MTA3: variants seen among roughly 807,000 people sequenced by gnomAD.
MTA3 encodes metastasis associated 1 family member 3.
MTA3 carries 34 observed loss-of-function variants against 83.5 expected under a neutral mutation model. The observed-to-expected ratio is 0.41, with a 90% CI of 0.31 to 0.54. The LOEUF is 0.54. Among genes scored for constraint, MTA3 ranks in the 20% least tolerant of loss-of-function variants. The probability of loss-of-function intolerance (pLI) is 0.33; values close to 1 mark genes in which losing one functional copy is unlikely to be tolerated. For missense variants in MTA3, 761 were observed against 726.4 expected, an observed-to-expected ratio of 1.05 and a Z score of -0.55; for synonymous variants, 303 against 252.7, an observed-to-expected ratio of 1.20 and a Z score of -1.89.
At chr2:42,591,540 C>A (rs1179860978) in intron 3 of MTA3, among the ~76,000 whole-genome samples, 1 of 152,122 alleles carries the variant, frequency 6.6e-6, no homozygotes, top group East Asian at 1.9e-4. Context: ...AGCTTTTTGA[C>A]TCTTGTAATA....
chr2:42,684,287 G>A (rs1262466304), intron 9 of MTA3, among the ~76,000 whole-genome samples: 1 of 152,112 alleles, frequency 6.6e-6, no homozygotes, highest in East Asian at 1.9e-4. Flanking sequence ...TTACGTATTT[G>A]ATGTGAGCCA....
At chr2:42,673,886 A>G (rs188693334) in intron 8 of MTA3, among the ~76,000 whole-genome samples, 17 of 152,376 alleles carry the variant, frequency 1.1e-4, no homozygotes, top group African/African-American at 4.1e-4. Context: ...TCTTATTCAC[A>G]ACACTTCTGG....
At chr2:42,717,341 G>C (rs1256721160) in intron 14 of MTA3, among the ~76,000 whole-genome samples, 2 of 151,840 alleles carry the variant, frequency 1.3e-5, no homozygotes, top group Non-Finnish European at 2.9e-5. Context: ...AAAACCTGTA[G>C]GACATTTTTG....
chr2:42,535,318 C>T (rs1256235267), intron 2 of MTA3, among the ~76,000 whole-genome samples: 1 of 151,936 alleles, frequency 6.6e-6, no homozygotes, highest in African/African-American at 2.4e-5. Context: ...ACCTGGGAGG[C>T]GGAGATTGCA....
chr2:42,755,360 CCT>C lies in MTA3; in HGVS notation c.*1965_*1966del. ...ATTTTCTCTGCCTTTTGGGAGAGGCCCTCTCACCCAGGCCCAAGAGATTTGGA... is the reference window on the plus strand; with the variant it reads ...ATTTTCTCTGCCTTTTGGGAGAGGCCCTCACCCAGGCCCAAGAGATTTGGA... On this transcript the variant is annotated 3_prime_UTR_variant, in exon 17 of 17. Coordinates refer to ENST00000405094, the MANE Select transcript of MTA3 (RefSeq NM_001330442.2). 10 of 985,400 alleles carry C rather than the reference CCT, an allele frequency of 1.0e-5. No homozygotes were observed. The highest frequency in any genetic ancestry group is 1.2e-5 in the Non-Finnish European group (10 of 829,954). The allele number at this position is 985,400 out of a possible 1,614,324, so 61.0% of individuals were successfully genotyped here. A position where few individuals can be genotyped will look rare whatever the true frequency, so the allele number is the denominator to read the frequency against.
At chr2:42,668,817 C>G (rs1050125931) in intron 8 of MTA3, among the ~76,000 whole-genome samples, 1 of 152,096 alleles carries the variant, frequency 6.6e-6, no homozygotes, top group African/African-American at 2.4e-5. Context: ...TTAATATAAT[C>G]TTTCATATAA....
intron 6 of MTA3, among the ~76,000 whole-genome samples, chr2:42,653,639 G>A (rs982708942): frequency 6.6e-6 from 1 of 151,948 alleles, no homozygotes; most frequent in Admixed American, 6.6e-5. Flanking sequence ...CTGTGTTTTT[G>A]GTGTTAGTTT....
intron 16 of MTA3, among the ~76,000 whole-genome samples, chr2:42,737,866 G>T (rs1668723903): frequency 6.6e-6 from 1 of 152,096 alleles, no homozygotes; most frequent in African/African-American, 2.4e-5. Flanking sequence ...GCATTTACAG[G>T]CATACCTCAG....
At chr2:42,558,212 G>A (rs1207728782) in intron 2 of MTA3, among the ~76,000 whole-genome samples, 2 of 150,264 alleles carry the variant, frequency 1.3e-5, no homozygotes, top group Admixed American at 1.3e-4. Context: ...CTCAATTCTT[G>A]GCTACACTGT....
intron 16 of MTA3, 126 bp downstream of exon 16, chr2:42,723,161 G>C (rs899034170): frequency 1.7e-6 from 2 of 1,168,208 alleles, no homozygotes; most frequent in African/African-American, 3.1e-5. Flanking sequence ...GTATGTGGTT[G>C]AGGAATAAGG....
Position 42,729,086 on chromosome 2 carries a change from GTTTTTTTTTT to G in MTA3, c.1759+6069_1759+6078del, listed in dbSNP as rs1216600680. On this transcript the variant is annotated intron_variant, in intron 16 of 16. Coordinates refer to ENST00000405094, the MANE Select transcript of MTA3 (RefSeq NM_001330442.2). ...TTCTTTTATTAGTTTCACAGTTTGA[GTTTTTTTTTT>G]TTTTTTTTTTTTTTTTTCACAGAGT... 8.3e-5 allele frequency among the ~76,000 whole-genome samples: 5 copies of G among 60,130 alleles called. 1 individual carries two copies. In the South Asian group the frequency reaches 3.1e-3, roughly 37 times the overall value. The allele number at this position is 60,130 out of a possible 152,430, so 39.4% of individuals were successfully genotyped here.
At chr2:42,660,503 T>C (rs1689590120) in intron 8 of MTA3, among the ~76,000 whole-genome samples, 1 of 152,248 alleles carries the variant, frequency 6.6e-6, no homozygotes, top group African/African-American at 2.4e-5. Context: ...ATTTTACCAC[T>C]AATGGCTGCC....
intron 2 of MTA3, among the ~76,000 whole-genome samples, chr2:42,525,475 ATTCC>A (rs61038484): frequency 8.5e-4 from 115 of 135,590 alleles, no homozygotes; most frequent in Non-Finnish European, 1.2e-3. Context: ...GCTAGGATCA[ATTCC>A]TTCCTTCCTT....
rs554821548 is a variant in MTA3 at position 42,683,539 on chromosome 2, T to G, written c.891+950T>G. Among the ~76,000 whole-genome samples, 3 of 152,178 alleles carry G rather than the reference T, an allele frequency of 2.0e-5. No individual in the cohort carries two copies. In the South Asian group the frequency reaches 6.2e-4, roughly 32 times the overall value. On this transcript the variant is annotated intron_variant, in intron 9 of 16. Transcript: ENST00000405094. ...CACTTCATTTCTATTATGATTACAT[T>G]GTCATATATAATAATTATACGACTC... is the stretch of plus-strand genomic sequence containing the variant.
At position 42,754,155 on chromosome 2, in the gene MTA3, TA is replaced by T. The variant is rs1670083563; in HGVS notation, c.*760del. 15 of 985,326 alleles carry T rather than the reference TA, an allele frequency of 1.5e-5. No homozygotes were observed. The highest frequency in any genetic ancestry group is 1.8e-5 in the Non-Finnish European group (15 of 829,960). The allele number at this position is 985,326 out of a possible 1,614,324, so 61.0% of individuals were successfully genotyped here. A position where few individuals can be genotyped will look rare whatever the true frequency, so the allele number is the denominator to read the frequency against. ...AGACAGCTCCAGCAAGAGCAGTTGT[TA>T]AAAGTGCCAAGCGTGTGTATCACTG... On this transcript the variant is annotated 3_prime_UTR_variant, in exon 17 of 17. Transcript: ENST00000405094.
intron 16 of MTA3, among the ~76,000 whole-genome samples, chr2:42,747,259 G>C (rs926413499): frequency 3.9e-5 from 6 of 151,912 alleles, no homozygotes; most frequent in Non-Finnish European, 8.8e-5. Context: ...CTCAGCCCCC[G>C]AAAGTGCTGG....
chr2:42,557,662 G>C (rs1252578905), intron 2 of MTA3, among the ~76,000 whole-genome samples: 1 of 152,158 alleles, frequency 6.6e-6, no homozygotes, highest in Non-Finnish European at 1.5e-5. Context: ...GAGATAAAAG[G>C]AGACATAAAC....
intron 2 of MTA3, among the ~76,000 whole-genome samples, chr2:42,556,577 T>G (rs1309634627): frequency 6.6e-6 from 1 of 152,134 alleles, no homozygotes; most frequent in Non-Finnish European, 1.5e-5. Context: ...AGTCACTCCC[T>G]CCCTCAAGTC....
At chr2:42,571,355 C>CT (rs921427566) in intron 2 of MTA3, among the ~76,000 whole-genome samples, 5 of 133,752 alleles carry the variant, frequency 3.7e-5, no homozygotes, top group African/African-American at 1.4e-4. Flanking sequence ...CCATTGCACT[C>CT]TAGCCTGGGT....
Sources: gnomAD v4.1 joint callset for allele counts (sites outside exome capture counted in the v4.1 genomes callset) on GRCh38, gnomAD v4.1.1 for gene constraint, MANE v1.5 for transcripts, NCBI Gene and HGNC (gene_info 2026-07-23, HGNC 2026-07-21) for gene names.